The following ZNF407 variants were observed in gnomAD, a reference collection of about 807,000 sequenced individuals.
ZNF407 encodes zinc finger protein 407.
ZNF407 carries 17 observed loss-of-function variants against 131.2 expected under a neutral mutation model. The ratio of observed to expected loss-of-function variants is 0.13; its 90% CI spans 0.09 to 0.19. The LOEUF is 0.19. Among genes scored for constraint, ZNF407 ranks in the 10% least tolerant of loss-of-function variants. The pLI, the probability that ZNF407 is intolerant of heterozygous loss-of-function variation, is 1.00. For synonymous variants in ZNF407, 1,156 were observed against 1,062.0 expected (o/e 1.09, Z -1.72); for missense variants, 2,681 against 2,830.6 (o/e 0.95, Z 1.20).
At chr18:74,946,344 T>A (rs1972153591) in intron 8 of ZNF407, among the ~76,000 whole-genome samples, 1 of 152,204 alleles carries the variant, frequency 6.6e-6, no homozygotes, top group African/African-American at 2.4e-5. Context: ...CCATGGCATT[T>A]GTTCTCTGCC....
At chr18:75,058,293 G>T (rs1302855526) in intron 8 of ZNF407, among the ~76,000 whole-genome samples, 2 of 152,162 alleles carry the variant, frequency 1.3e-5, no homozygotes, top group Admixed American at 1.3e-4. Context: ...AGACACCCCA[G>T]TAACTACCTT....
Position 74,766,759 on chromosome 18 carries a change from T to C in ZNF407, c.4803-14669T>C, listed in dbSNP as rs1034052171. Among the ~76,000 whole-genome samples the C allele has an allele frequency of 4.6e-5, 7 of 152,352 alleles. No individual in the cohort carries two copies. In the East Asian group the frequency reaches 1.3e-3, roughly 29 times the overall value. On this transcript the variant is annotated intron_variant, in intron 3 of 8. Transcript: ENST00000299687. ...ACTAGCCATGTTTTGTTTTTAGGGT[T>C]ATTCGTTCTTCAATTTACATTTTCT...
chr18:74,668,604 C>T (rs760932751), intron 3 of ZNF407, among the ~76,000 whole-genome samples: 19 of 152,224 alleles, frequency 1.2e-4, no homozygotes, highest in Non-Finnish European at 2.6e-4. Flanking sequence ...ATGTAATTTC[C>T]TTGTTTTTAA....
At chr18:74,830,466 T>C (rs1970467316) in intron 4 of ZNF407, among the ~76,000 whole-genome samples, 3 of 152,112 alleles carry the variant, frequency 2.0e-5, no homozygotes, top group African/African-American at 4.8e-5. Context: ...TTTGTTTGTT[T>C]TTTGTCAATA....
At chr18:74,754,997 G>C (rs1020435673) in intron 3 of ZNF407, among the ~76,000 whole-genome samples, 1 of 152,092 alleles carries the variant, frequency 6.6e-6, no homozygotes, top group African/African-American at 2.4e-5. Context: ...TGTCTTTGCA[G>C]GTCTCTAAGG....
intron 7 of ZNF407, among the ~76,000 whole-genome samples, chr18:74,894,827 A>G (rs985839103): frequency 1.3e-5 from 2 of 152,196 alleles, no homozygotes; most frequent in Non-Finnish European, 1.5e-5. Flanking sequence ...CAGTTTTATC[A>G]TCTGCATATT....
chr18:74,842,909 G>T (rs531572509), intron 4 of ZNF407, among the ~76,000 whole-genome samples: 2 of 152,112 alleles, frequency 1.3e-5, no homozygotes, highest in South Asian at 4.2e-4. Flanking sequence ...TAGAGACAGG[G>T]TTTCTGCATG....
At chr18:74,887,786 A>G (rs1035995070) in intron 6 of ZNF407, among the ~76,000 whole-genome samples, 5 of 152,156 alleles carry the variant, frequency 3.3e-5, no homozygotes, top group Non-Finnish European at 1.5e-5. Flanking sequence ...GTTTGGTGGT[A>G]TTATTCTCTT....
At chr18:75,028,741 A>AT (rs1200162108) in intron 8 of ZNF407, among the ~76,000 whole-genome samples, 2 of 152,140 alleles carry the variant, frequency 1.3e-5, no homozygotes, top group East Asian at 3.9e-4. Context: ...AACCCAAGAG[A>AT]TTACAAGCCT....
chr18:74,965,685 G>C (rs1972401437), intron 8 of ZNF407, among the ~76,000 whole-genome samples: 1 of 152,134 alleles, frequency 6.6e-6, no homozygotes, highest in African/African-American at 2.4e-5. Flanking sequence ...ACCCAGCAGT[G>C]GGATTGCTGG....
chr18:74,661,192 C>T (rs191778948), intron 3 of ZNF407, among the ~76,000 whole-genome samples: 8 of 152,128 alleles, frequency 5.3e-5, no homozygotes, highest in Admixed American at 3.3e-4. Flanking sequence ...ATACAGGCAG[C>T]ATTCCTTTTC....
intron 8 of ZNF407, among the ~76,000 whole-genome samples, chr18:75,032,110 G>A (rs559661151): frequency 5.3e-5 from 8 of 152,304 alleles, no homozygotes; most frequent in South Asian, 4.1e-4. Flanking sequence ...GCCTGGACCC[G>A]AGAGCTCCCC....
At chr18:74,677,800 AT>A (rs532311631) in intron 3 of ZNF407, among the ~76,000 whole-genome samples, 1 of 151,192 alleles carries the variant, frequency 6.6e-6, no homozygotes, top group African/African-American at 2.4e-5. Flanking sequence ...AGTTTTGTTG[AT>A]TTTTTTTCTC....
In ZNF407 at chr18:74,635,956, C is replaced by A. The variant is rs141190919; in HGVS notation, c.4687+250C>A. ...TTAATTTTGTCAAAAAGCCTAGTCC[C>A]TCTGATGCCTTTTAAAAACTGCTGT... On this transcript the variant is annotated intron_variant, in intron 2 of 8. Coordinates refer to ENST00000299687, the MANE Select transcript of ZNF407 (RefSeq NM_017757.3). This position sits in a 1 kb window ranked among gnomAD's most constrained non-coding sequence, Gnocchi z 4.7. 1.3e-5 allele frequency among the ~76,000 whole-genome samples: 2 copies of A among 152,178 alleles called. No individual in the cohort carries two copies. The highest frequency in any genetic ancestry group is 2.9e-5 in the Non-Finnish European group (2 of 68,028).
chr18:74,831,140 G>A (rs1003623886), intron 4 of ZNF407, among the ~76,000 whole-genome samples: 1 of 152,078 alleles, frequency 6.6e-6, no homozygotes, highest in African/African-American at 2.4e-5. Context: ...CATTGTGTAT[G>A]TATATATACC....
chr18:74,826,013 G>A (rs369730427), intron 4 of ZNF407, among the ~76,000 whole-genome samples: 35 of 151,950 alleles, frequency 2.3e-4, no homozygotes, highest in African/African-American at 8.0e-4. Flanking sequence ...TTTAATCTAC[G>A]GTTGTATTTT....
intron 3 of ZNF407, among the ~76,000 whole-genome samples, chr18:74,727,729 G>A (rs1463455): frequency 0.69 from 104,879 of 152,108 alleles, 37,105 homozygotes; most frequent in East Asian, 0.85. Flanking sequence ...GTCGCCATGC[G>A]CGGCAGGTAA....
At position 74,893,193 on chromosome 18, in the gene ZNF407, G is replaced by T. The variant is rs929168220; in HGVS notation, c.5249+3155G>T. Among the ~76,000 whole-genome samples, 27 of 152,086 alleles carry T rather than the reference G, an allele frequency of 1.8e-4. 1 individual carries two copies. The highest frequency in any genetic ancestry group is 2.9e-5 in the Non-Finnish European group (2 of 68,004). ...CCTCTGTCAGGTACTACATTTAAGA[G>T]GATGGTGTTTTCTAACTATATTGTT... On this transcript the variant is annotated intron_variant, in intron 7 of 8. Coordinates refer to ENST00000299687, the MANE Select transcript of ZNF407 (RefSeq NM_017757.3).
At position 74,723,092 on chromosome 18, in the gene ZNF407, T is replaced by G. The variant is rs542127323; in HGVS notation, c.4803-58336T>G. On this transcript the variant is annotated intron_variant, in intron 3 of 8. Coordinates refer to ENST00000299687, the MANE Select transcript of ZNF407 (RefSeq NM_017757.3). ...TGATTCTTTACTTTGTCATATTCAT[T>G]TAAGTATTAAAGCCCTTGTAAAACT... is the stretch of plus-strand genomic sequence containing the variant. Among the ~76,000 whole-genome samples, 6 of 152,338 alleles carry G rather than the reference T, an allele frequency of 3.9e-5. No individual in the cohort carries two copies. In the East Asian group the frequency reaches 7.7e-4, roughly 20 times the overall value.
Sources: gnomAD v4.1 joint callset for allele counts (sites outside exome capture counted in the v4.1 genomes callset) on GRCh38, gnomAD v4.1.1 for gene constraint, Gnocchi (gnomAD v3.1) non-coding constraint, MANE v1.5 for transcripts, NCBI Gene and HGNC (gene_info 2026-07-23, HGNC 2026-07-21) for gene names.